Variants in PLCB4 observed in about 807,000 individuals in gnomAD.
The protein encoded by PLCB4 is 1-phosphatidylinositol 4,5-bisphosphate phosphodiesterase beta-4.
A neutral mutation model predicts 178.8 loss-of-function variants in PLCB4; 77 were observed. The ratio of observed to expected loss-of-function variants is 0.43; its 90% CI spans 0.36 to 0.52. The LOEUF (loss-of-function observed/expected upper bound fraction) is 0.52, where lower values mean the gene tolerates loss of function less well. Ranked by LOEUF, PLCB4 falls within the 20% of genes least tolerant of loss-of-function variation. The pLI, the probability that PLCB4 is intolerant of heterozygous loss-of-function variation, is 0.00. For synonymous variants in PLCB4, 496 were observed against 490.8 expected (o/e 1.01, Z -0.14); for missense variants, 1,024 against 1,453.4 (o/e 0.70, Z 4.80).
At chr20:9,084,466 A>G (rs1305152972) in intron 1 of PLCB4, among the ~76,000 whole-genome samples, 1 of 151,726 alleles carries the variant, frequency 6.6e-6, no homozygotes, top group Admixed American at 6.6e-5. Context: ...TCTAGGAAAT[A>G]TTTTAATTTC....
chr20:9,139,769 C>T (rs535683166), intron 2 of PLCB4, among the ~76,000 whole-genome samples: 272 of 152,130 alleles, frequency 1.8e-3, no homozygotes, highest in Non-Finnish European at 3.0e-3. Flanking sequence ...CCACTATTCA[C>T]GGAAACTTTC....
chr20:9,262,458 A>T (rs1313084562), intron 3 of PLCB4, among the ~76,000 whole-genome samples: 1 of 152,202 alleles, frequency 6.6e-6, no homozygotes, highest in Non-Finnish European at 1.5e-5. Context: ...AAGGAAGAGC[A>T]TGGAGGATGA....
chr20:9,235,651 T>TAG, intron 3 of PLCB4, among the ~76,000 whole-genome samples: 1 of 152,310 alleles, frequency 6.6e-6, no homozygotes. Context: ...TTCTCAGATG[T>TAG]AGAAGTGGGT....
At chr20:9,213,888 T>C (rs980761091) in intron 2 of PLCB4, among the ~76,000 whole-genome samples, 13 of 152,230 alleles carry the variant, frequency 8.5e-5, no homozygotes, top group Non-Finnish European at 1.6e-4. Context: ...TGGCTTTGAT[T>C]TATATTTCCC....
chr20:9,229,550 C>G (rs1165411558), intron 3 of PLCB4, among the ~76,000 whole-genome samples: 1 of 151,966 alleles, frequency 6.6e-6, no homozygotes, highest in East Asian at 1.9e-4. Flanking sequence ...GATTCCCTTT[C>G]AAGGTTCCAT....
chr20:9,332,215 T>C (rs1465004934), intron 4 of PLCB4, among the ~76,000 whole-genome samples: 1 of 152,104 alleles, frequency 6.6e-6, no homozygotes, highest in African/African-American at 2.4e-5. Flanking sequence ...AGGGCCCAGA[T>C]CTGGAGGAGG....
intron 3 of PLCB4, among the ~76,000 whole-genome samples, chr20:9,224,093 G>C (rs1465962357): frequency 6.6e-6 from 1 of 152,194 alleles, no homozygotes; most frequent in Non-Finnish European, 1.5e-5. Context: ...GTTTCAAAGG[G>C]AAGAGACTTA....
At chr20:9,316,192 C>G (rs1213628516) in intron 4 of PLCB4, among the ~76,000 whole-genome samples, 2 of 152,122 alleles carry the variant, frequency 1.3e-5, no homozygotes, top group African/African-American at 2.4e-5. Flanking sequence ...ATCAGCACCA[C>G]CCAGAACCTT....
Position 9,364,157 on chromosome 20 carries a change from T to G in PLCB4, c.449+1182T>G, listed in dbSNP as rs561319488. On this transcript the variant is annotated intron_variant, in intron 8 of 39. Transcript: ENST00000378473. ...TATTTCTATGTGTTGTGCAGCTGCT[T>G]CTTCTTTTCCTCTGCAGTTGCCCTG... 9.2e-5 allele frequency among the ~76,000 whole-genome samples: 14 copies of G among 152,352 alleles called. No individual in the cohort carries two copies. In the South Asian group the frequency reaches 1.0e-3, roughly 11 times the overall value.
At chr20:9,225,597 C>CTT (rs986480076) in intron 3 of PLCB4, among the ~76,000 whole-genome samples, 7 of 152,114 alleles carry the variant, frequency 4.6e-5, no homozygotes, top group African/African-American at 1.7e-4. Context: ...TCCTGAGGGC[C>CTT]TTTGTGGTGG....
chr20:9,144,965 G>A (rs6056427), intron 2 of PLCB4, among the ~76,000 whole-genome samples: 134,566 of 152,070 alleles, frequency 0.88, 59,931 homozygotes, highest in East Asian at 1. Flanking sequence ...TAAAAGTGCC[G>A]GAGGTATATT....
At chr20:9,428,546 C>G (rs2041185441) in intron 28 of PLCB4, among the ~76,000 whole-genome samples, 1 of 152,110 alleles carries the variant, frequency 6.6e-6, no homozygotes, top group African/African-American at 2.4e-5. Context: ...ACTGTATTTT[C>G]TACCATTCTA....
chr20:9,165,536 A>G (rs1440876521), intron 2 of PLCB4, among the ~76,000 whole-genome samples: 1 of 152,186 alleles, frequency 6.6e-6, no homozygotes, highest in Non-Finnish European at 1.5e-5. Flanking sequence ...CCTCTCAAAT[A>G]CAGGGTCCCA....
chr20:9,291,898 T>C (rs1038571039), intron 3 of PLCB4, among the ~76,000 whole-genome samples: 3 of 152,232 alleles, frequency 2.0e-5, no homozygotes, highest in Non-Finnish European at 4.4e-5. Context: ...AGCTCAGTTC[T>C]AATATGCATG....
At position 9,384,194 on chromosome 20, in the gene PLCB4, C is replaced by T. The variant is rs2037385605; in HGVS notation, c.854-7C>T. 1 of 1,605,548 alleles carries T rather than the reference C, an allele frequency of 6.2e-7. No individual in the cohort carries two copies. ...CAAGTGCTACTAAGATGTTCTTTTT[C>T]CCCTAGGCCTTATATCAAGTGATGG... On this transcript the variant is annotated splice_polypyrimidine_tract_variant and splice_region_variant and intron_variant, in intron 13 of 39. Coordinates refer to ENST00000378473, the MANE Select transcript of PLCB4 (RefSeq NM_001377142.1).
intron 2 of PLCB4, among the ~76,000 whole-genome samples, chr20:9,213,738 G>T (rs544943118): frequency 2.0e-5 from 3 of 152,298 alleles, no homozygotes; most frequent in South Asian, 4.1e-4. Context: ...GCAACTGCTA[G>T]ACTGTTTTCC....
rs1464645837 is a variant in PLCB4 at position 9,478,975 on chromosome 20, G to C, written c.3587G>C (p.Ser1196Thr). 1 of 1,613,602 alleles carries C rather than the reference G, an allele frequency of 6.2e-7. No individual in the cohort carries two copies. The highest frequency in any genetic ancestry group is 8.5e-7 in the Non-Finnish European group (1 of 1,179,628). ...GGAAGCCGAGATGGACCGCAGACCA[G>C]CAACAGTAGTATGAAACTCCAAAAT... ...EIGSRDGPQT[S>T]NSSMKLQNAN is the part of the protein sequence containing the mutation. Residue 1196 changes from serine (S) to threonine (T), a missense_variant, in exon 40 of 40, where the codon AGC (serine) becomes ACC (threonine). By Grantham distance (58) the Ser-to-Thr change is moderately conservative. Coordinates refer to ENST00000378473, the MANE Select transcript of PLCB4 (RefSeq NM_001377142.1).
chr20:9,368,305 A>G (rs1436101848), intron 9 of PLCB4, among the ~76,000 whole-genome samples: 1 of 152,174 alleles, frequency 6.6e-6, no homozygotes, highest in Non-Finnish European at 1.5e-5. Flanking sequence ...TGTTTACATA[A>G]CCCATGCAGT....
At chr20:9,086,199 T>A (rs2090407610) in intron 1 of PLCB4, among the ~76,000 whole-genome samples, 1 of 152,100 alleles carries the variant, frequency 6.6e-6, no homozygotes, top group African/African-American at 2.4e-5. Flanking sequence ...CATCTCAAAC[T>A]CGTGTATGTA....
Sources: gnomAD v4.1 joint callset for allele counts (sites outside exome capture counted in the v4.1 genomes callset) on GRCh38, gnomAD v4.1.1 for gene constraint, MANE v1.5 for transcripts, NCBI Gene and HGNC (gene_info 2026-07-23, HGNC 2026-07-21) for gene names.